The following PTPRU variants were observed in gnomAD, a reference collection of about 807,000 sequenced individuals.
PTPRU encodes receptor-type tyrosine-protein phosphatase U.
In PTPRU, 69 loss-of-function variants were observed where a neutral mutation model predicts 166.3. That is an observed-to-expected ratio of 0.41 (90% CI 0.34 to 0.51). PTPRU has a LOEUF of 0.51. Among genes scored for constraint, PTPRU ranks in the 20% least tolerant of loss-of-function variants. The probability of loss-of-function intolerance (pLI) is 0.09; values close to 1 mark genes in which losing one functional copy is unlikely to be tolerated. For synonymous variants in PTPRU, 793 were observed against 814.0 expected (o/e 0.97, Z 0.44); for missense variants, 1,657 against 2,013.7 (o/e 0.82, Z 3.39).
At chr1:29,298,656 G>C (rs1334116965) in intron 15 of PTPRU, among the ~76,000 whole-genome samples, 3 of 152,124 alleles carry the variant, frequency 2.0e-5, no homozygotes, top group African/African-American at 7.2e-5. Flanking sequence ...AGTCGGTGTT[G>C]GCCAAATTGT....
Position 29,260,527 on chromosome 1 carries a change from T to A in PTPRU, c.851-83T>A. 1 of 1,058,704 alleles carries A rather than the reference T, an allele frequency of 9.4e-7. No individual in the cohort carries two copies. The highest frequency in any genetic ancestry group is 1.3e-6 in the Non-Finnish European group (1 of 763,396). The allele number at this position is 1,058,704 out of a possible 1,614,324, so 65.6% of individuals were successfully genotyped here. ...AGGCCCTAGGAGGACGGAGAGGGAT[T>A]TGGGTGTGGTGGAACTCAGAGTTGG... On this transcript the variant is annotated intron_variant, in intron 6 of 29. Coordinates refer to ENST00000373779, the MANE Select transcript of PTPRU (RefSeq NM_133178.4). This position sits in a 1 kb window ranked among gnomAD's most constrained non-coding sequence, Gnocchi z 8.3.
chr1:29,277,543 G>A (rs1007218781), intron 8 of PTPRU, among the ~76,000 whole-genome samples: 2 of 152,032 alleles, frequency 1.3e-5, no homozygotes, highest in Non-Finnish European at 2.9e-5. Context: ...TTTGGTAAAT[G>A]TTCCAGTGTA....
chr1:29,241,761 AT>A, intron 1 of PTPRU, among the ~76,000 whole-genome samples: 1 of 150,242 alleles, frequency 6.7e-6, no homozygotes, highest in Admixed American at 6.7e-5. Context: ...TGCCTGGCTA[AT>A]TTTTGTATTT....
chr1:29,265,670 T>G (rs1685269024), intron 7 of PTPRU, among the ~76,000 whole-genome samples: 2 of 152,150 alleles, frequency 1.3e-5, no homozygotes, highest in African/African-American at 2.4e-5. Context: ...GACAAACATC[T>G]TTTCATGTGC....
In PTPRU at chr1:29,326,452, C is replaced by A. The variant is rs1688418302; in HGVS notation, c.*791C>A. Reference sequence around the variant, plus strand: ...CTGGCCTGTCCTGCTCAGCTTGGGCCAGTGACAATCTGCAAGGCTGAACAA... The same window carrying A: ...CTGGCCTGTCCTGCTCAGCTTGGGCAAGTGACAATCTGCAAGGCTGAACAA... On this transcript the variant is annotated 3_prime_UTR_variant, in exon 30 of 30. Coordinates refer to ENST00000373779, the MANE Select transcript of PTPRU (RefSeq NM_133178.4). 1 of 152,660 alleles carries A rather than the reference C, an allele frequency of 6.6e-6. No homozygotes were observed. 9.5% of individuals were successfully genotyped at this position (152,660 alleles called of 1,614,324 possible).
At chr1:29,259,603 G>GTTTT in intron 5 of PTPRU, 39 bp downstream of exon 5, 1 of 1,292,126 alleles carries the variant, frequency 7.7e-7, no homozygotes. Context: ...GGCGGGGTGG[G>GTTTT]AGGGGGTTGG....
intron 1 of PTPRU, among the ~76,000 whole-genome samples, chr1:29,250,796 C>T (rs1263026008): frequency 6.6e-6 from 1 of 152,208 alleles, no homozygotes; most frequent in Non-Finnish European, 1.5e-5. Context: ...TGACCATTCC[C>T]ATCTCAAGGG....
At chr1:29,265,464 G>A (rs961775514) in intron 7 of PTPRU, among the ~76,000 whole-genome samples, 6 of 152,132 alleles carry the variant, frequency 3.9e-5, no homozygotes, top group African/African-American at 1.4e-4. Flanking sequence ...CCAGGTACAA[G>A]CAATTCTTGT....
At position 29,258,624 on chromosome 1, in the gene PTPRU, C is replaced by T. The variant is rs142872520; in HGVS notation, c.325C>T (p.Arg109Trp). The T allele has an allele frequency of 2.6e-5, 42 of 1,614,124 alleles. No individual in the cohort carries two copies. The highest frequency in any genetic ancestry group is 2.0e-4 in the East Asian group (9 of 44,896). ...CVQFSYFLYS[R>W]DGHSPGTLGV... Reference sequence around the variant, plus strand: ...GCAGTTCAGCTACTTCCTGTACAGCCGGGACGGGCACAGCCCGGGCACCCT... The same window carrying T: ...GCAGTTCAGCTACTTCCTGTACAGCTGGGACGGGCACAGCCCGGGCACCCT... The change falls in exon 3 of 30, where the codon CGG becomes TGG. Residue 109 changes from arginine to tryptophan, a missense_variant. Around this residue, in one of 3 missense-constraint regions of PTPRU, gnomAD observed 453 missense variants for 496.9 expected, o/e 0.91. Transcript: ENST00000373779.
At chr1:29,247,134 C>T (rs1018660665) in intron 1 of PTPRU, among the ~76,000 whole-genome samples, 6 of 152,256 alleles carry the variant, frequency 3.9e-5, no homozygotes, top group African/African-American at 1.4e-4. Context: ...GGCACACACC[C>T]TTCCCCTGAG....
At chr1:29,252,968 C>G (rs1469451249) in intron 1 of PTPRU, among the ~76,000 whole-genome samples, 2 of 152,242 alleles carry the variant, frequency 1.3e-5, no homozygotes, top group African/African-American at 2.4e-5. Context: ...CCTCCAGACA[C>G]CAGTCGCAAG....
chr1:29,303,926 C>T lies in PTPRU; in HGVS notation c.2548C>T (p.Arg850Trp), dbSNP rs149545916. The change falls in exon 16 of 30, where the codon CGG becomes TGG. Residue 850 changes from arginine (R) to tryptophan (W), a missense_variant. Arg to Trp is a moderately radical substitution (Grantham distance 101, BLOSUM62 -3). This residue lies in a region of PTPRU where 1,190 missense variants were observed against 1,477.4 expected (regional missense o/e 0.81). Coordinates refer to ENST00000373779, the MANE Select transcript of PTPRU (RefSeq NM_133178.4). The part of the protein sequence containing the change: ...LGGSPRRPCG[R>W]KGSPYHTGQL... Reference sequence around the variant, plus strand: ...GGGCTCCCCGAGGCGTCCCTGTGGCCGGAAGGGCTCCCCATACCACACGGG... The same window carrying T: ...GGGCTCCCCGAGGCGTCCCTGTGGCTGGAAGGGCTCCCCATACCACACGGG... 525 of 1,613,804 alleles carry T rather than the reference C, an allele frequency of 3.3e-4. No individual in the cohort carries two copies. The highest frequency in any genetic ancestry group is 3.9e-4 in the Non-Finnish European group (461 of 1,179,820).
In PTPRU at chr1:29,259,449, C is replaced by A; in HGVS notation, c.560C>A (p.Ala187Glu). 6.2e-7 allele frequency: 1 copy of A among 1,610,334 alleles called. No homozygotes were observed. The highest frequency in any genetic ancestry group is 1.7e-5 in the Admixed American group (1 of 59,842). ...TCACGATGCAGCTCTAACCCCGCAG[C>A]AAAGGCCCCACACTTCTCCCGCCTG... ...DDILLLSYPC[A>E]KAPHFSRLGD... is the part of the protein sequence containing the mutation. The change falls in exon 5 of 30, where the codon GCA becomes GAA. Residue 187 changes from alanine to glutamate, a missense_variant and splice_region_variant. Coordinates refer to ENST00000373779, the MANE Select transcript of PTPRU (RefSeq NM_133178.4).
Position 29,310,369 on chromosome 1 carries a change from C to T in PTPRU, c.2821-375C>T, listed in dbSNP as rs150812898. On this transcript the variant is annotated intron_variant, in intron 18 of 29. Coordinates refer to ENST00000373779, the MANE Select transcript of PTPRU (RefSeq NM_133178.4). ...CGTGTGGGATCTGGGTTGATTAGAG[C>T]TTCTGGAACCCTGGGAACAGGGCAG... Among the ~76,000 whole-genome samples, 608 of 152,194 alleles carry T rather than the reference C, an allele frequency of 4.0e-3. 4 individuals are homozygous for T. Among genetic ancestry groups the T allele is most frequent in the African/African-American group, 0.014 (579 of 41,524 alleles).
At chr1:29,251,663 C>T (rs1195106812) in intron 1 of PTPRU, among the ~76,000 whole-genome samples, 6 of 152,170 alleles carry the variant, frequency 3.9e-5, no homozygotes, top group African/African-American at 1.2e-4. Flanking sequence ...CCTGGCCGTT[C>T]GTGTGGCCTG....
At chr1:29,252,558 G>A (rs769390597) in intron 1 of PTPRU, among the ~76,000 whole-genome samples, 2 of 152,072 alleles carry the variant, frequency 1.3e-5, no homozygotes, top group Non-Finnish European at 2.9e-5. Flanking sequence ...GTGAGCCACC[G>A]CGCCTGGCCT....
At chr1:29,303,819 T>A in intron 15 of PTPRU, 36 bp from the exon 16 acceptor site, 1 of 1,558,128 alleles carries the variant, frequency 6.4e-7, no homozygotes, top group Non-Finnish European at 8.8e-7. Flanking sequence ...CTGGGGCATG[T>A]GTGTCAAGAA....
chr1:29,245,464 G>C (rs546762361), intron 1 of PTPRU, among the ~76,000 whole-genome samples: 123 of 152,322 alleles, frequency 8.1e-4, no homozygotes, highest in African/African-American at 3.0e-3. Flanking sequence ...GACCCTCCCA[G>C]CAACACTGTT....
At chr1:29,287,531 C>A (rs909984415) in intron 14 of PTPRU, among the ~76,000 whole-genome samples, 4 of 151,270 alleles carry the variant, frequency 2.6e-5, no homozygotes, top group Non-Finnish European at 5.9e-5. Flanking sequence ...GGGTGCTTCC[C>A]GGTGCTGAGG....
Sources: gnomAD v4.1 joint callset for allele counts (sites outside exome capture counted in the v4.1 genomes callset) on GRCh38, gnomAD v4.1.1 for gene constraint, gnomAD v4.1.1 regional missense constraint, Gnocchi (gnomAD v3.1) non-coding constraint, MANE v1.5 for transcripts, NCBI Gene and HGNC (gene_info 2026-07-23, HGNC 2026-07-21) for gene names.